NOVA1: variants seen among roughly 807,000 people sequenced by gnomAD.
The protein encoded by NOVA1 is NOVA alternative splicing regulator 1.
NOVA1 carries 7 observed loss-of-function variants against 38.0 expected under a neutral mutation model. The ratio of observed to expected loss-of-function variants is 0.18; its 90% CI spans 0.10 to 0.35. NOVA1 has a LOEUF of 0.35. NOVA1 is among the 10% of genes least tolerant of loss of function. The pLI is 1.00. For synonymous variants in NOVA1, 270 were observed against 232.5 expected (o/e 1.16, Z -1.47); for missense variants, 460 against 616.0 (o/e 0.75, Z 2.68).
chr14:26,523,330 T>C (rs2138512987), intron 2 of NOVA1, among the ~76,000 whole-genome samples: 1 of 152,366 alleles, frequency 6.6e-6, no homozygotes, highest in African/African-American at 2.4e-5. Context: ...AGTGCAGCTA[T>C]AGTGTTACTG....
At chr14:26,566,343 A>G (rs1311393197) in intron 2 of NOVA1, among the ~76,000 whole-genome samples, 1 of 151,784 alleles carries the variant, frequency 6.6e-6, no homozygotes, top group Non-Finnish European at 1.5e-5. Context: ...TACACAGAGT[A>G]TATTTATATA....
intron 3 of NOVA1, among the ~76,000 whole-genome samples, chr14:26,472,968 T>C (rs1884704089): frequency 6.6e-6 from 1 of 151,972 alleles, no homozygotes; most frequent in Non-Finnish European, 1.5e-5. Context: ...TCTAAAATAT[T>C]AATTTTTAAT....
chr14:26,499,493 T>C (rs1413493135), intron 2 of NOVA1, among the ~76,000 whole-genome samples: 4 of 152,162 alleles, frequency 2.6e-5, no homozygotes, highest in African/African-American at 7.2e-5. Context: ...TGCTATAGGC[T>C]ACTGTTCTTT....
intron 2 of NOVA1, among the ~76,000 whole-genome samples, chr14:26,569,981 T>C (rs999359210): frequency 6.6e-6 from 1 of 152,196 alleles, no homozygotes; most frequent in African/African-American, 2.4e-5. Context: ...TCTGGCTCTT[T>C]GCCTTAAAGG....
At chr14:26,531,568 T>C (rs1307705152) in intron 2 of NOVA1, among the ~76,000 whole-genome samples, 1 of 151,962 alleles carries the variant, frequency 6.6e-6, no homozygotes, top group African/African-American at 2.4e-5. Flanking sequence ...GATCGCGCCA[T>C]TGCACTCCAG....
chr14:26,481,988 T>TAAAAAAA (rs372806170), intron 2 of NOVA1, among the ~76,000 whole-genome samples: 1,106 of 105,520 alleles, frequency 0.01, 46 homozygotes, highest in Non-Finnish European at 0.014. Context: ...TAGATAGAGA[T>TAAAAAAA]AAAAAAAAAA....
At chr14:26,453,616 T>C (rs1430731349) in intron 4 of NOVA1, among the ~76,000 whole-genome samples, 1 of 152,162 alleles carries the variant, frequency 6.6e-6, no homozygotes, top group Non-Finnish European at 1.5e-5. Context: ...ATTGATATGT[T>C]TCTAATTAAA....
At chr14:26,483,901 T>C (rs945381631) in intron 2 of NOVA1, among the ~76,000 whole-genome samples, 4 of 152,136 alleles carry the variant, frequency 2.6e-5, no homozygotes, top group Non-Finnish European at 4.4e-5. Flanking sequence ...TGAAACAAAA[T>C]TGAGGCAATG....
intron 2 of NOVA1, chr14:26,592,984 A>C (rs1893952158): frequency 6.6e-6 from 1 of 151,796 alleles, no homozygotes; most frequent in South Asian, 2.1e-4. Context: ...CTTTTCCCCA[A>C]ATATGCTCTT....
intron 2 of NOVA1, among the ~76,000 whole-genome samples, chr14:26,526,393 T>C (rs1889301259): frequency 6.6e-6 from 1 of 152,136 alleles, no homozygotes; most frequent in Non-Finnish European, 1.5e-5. Flanking sequence ...CTTGGAAACC[T>C]GCATAAACAC....
At chr14:26,487,023 T>C (rs1317465101) in intron 2 of NOVA1, among the ~76,000 whole-genome samples, 1 of 152,152 alleles carries the variant, frequency 6.6e-6, no homozygotes, top group African/African-American at 2.4e-5. Context: ...ATATTGTCTT[T>C]ATAAATAGAT....
At chr14:26,467,809 T>C (rs1272375461) in intron 4 of NOVA1, among the ~76,000 whole-genome samples, 4 of 152,196 alleles carry the variant, frequency 2.6e-5, no homozygotes, top group Non-Finnish European at 5.9e-5. Context: ...TATGAGTTTG[T>C]GGAAGTTACT....
At chr14:26,536,947 T>C (rs1482393456) in intron 2 of NOVA1, among the ~76,000 whole-genome samples, 1 of 152,142 alleles carries the variant, frequency 6.6e-6, no homozygotes, top group Non-Finnish European at 1.5e-5. Context: ...ATTTAATTTT[T>C]CTGGAGCATA....
rs1881814394 is a variant in NOVA1, at chr14:26,443,127, C to A, written c.*4832G>T. On this transcript the variant is annotated 3_prime_UTR_variant, in exon 5 of 5. Coordinates refer to ENST00000539517, the MANE Select transcript of NOVA1 (RefSeq NM_002515.3). ...GCTATTTGCAGATTTATTAGAGAAA[C>A]AAATACAAATATGCATTTCTACAGA... is the stretch of plus-strand genomic sequence containing the variant. The A allele has an allele frequency of 6.6e-6, 1 of 151,814 alleles. No homozygotes were observed. The highest frequency in any genetic ancestry group is 1.5e-5 in the Non-Finnish European group (1 of 67,828). The allele number at this position is 151,814 out of a possible 1,614,324, so 9.4% of individuals were successfully genotyped here.
intron 1 of NOVA1, 92 bp downstream of exon 1, chr14:26,597,209 G>GGGAGGGAA (rs1894250850): frequency 9.8e-6 from 11 of 1,122,544 alleles, no homozygotes; most frequent in East Asian, 3.2e-5. Context: ...GCGGGAGGGA[G>GGGAGGGAA]GGAGGGAAGG....
chr14:26,495,993 G>A (rs1315664296), intron 2 of NOVA1, among the ~76,000 whole-genome samples: 16 of 129,070 alleles, frequency 1.2e-4, no homozygotes, highest in Middle Eastern at 3.7e-3. Flanking sequence ...ATTATTTATA[G>A]TCCTTTGGGT....
chr14:26,556,307 G>A (rs1891475927), intron 2 of NOVA1, among the ~76,000 whole-genome samples: 1 of 152,046 alleles, frequency 6.6e-6, no homozygotes, highest in South Asian at 2.1e-4. Flanking sequence ...TTGATCAATG[G>A]ACAGAACAGA....
Position 26,480,020 on chromosome 14 carries a change from A to G in NOVA1, c.404T>C (p.Ile135Thr), listed in dbSNP as rs1410809623. ...ATTAACGGTGGTCTGGGGTTGTAGA[A>G]TGCTGACTGGTTCTGTCTTGGCCAC... is the stretch of plus-strand genomic sequence containing the variant. ...QNVAKTEPVS[I>T]LQPQTTVNPD... Residue 135 changes from isoleucine (I) to threonine (T), a missense_variant, in exon 3 of 5, where the codon ATT becomes ACT. Coordinates refer to ENST00000539517, the MANE Select transcript of NOVA1 (RefSeq NM_002515.3). 1 of 1,613,974 alleles carries G rather than the reference A, an allele frequency of 6.2e-7. No individual in the cohort carries two copies. The highest frequency in any genetic ancestry group is 2.2e-5 in the East Asian group (1 of 44,870).
At chr14:26,535,359 G>T in intron 2 of NOVA1, among the ~76,000 whole-genome samples, 1 of 152,074 alleles carries the variant, frequency 6.6e-6, no homozygotes, top group East Asian at 1.9e-4. Flanking sequence ...ATTTAGGAAG[G>T]ATAAAGTGGC....
Sources: gnomAD v4.1 joint callset for allele counts (sites outside exome capture counted in the v4.1 genomes callset) on GRCh38, gnomAD v4.1.1 for gene constraint, MANE v1.5 for transcripts, NCBI Gene and HGNC (gene_info 2026-07-23, HGNC 2026-07-21) for gene names.